The following FGF12 variants were observed in gnomAD, a reference collection of about 807,000 sequenced individuals.
FGF12 encodes fibroblast growth factor 12.
FGF12 carries 14 observed loss-of-function variants against 23.6 expected under a neutral mutation model. The observed-to-expected ratio is 0.59, with a 90% confidence interval of 0.39 to 0.93. FGF12 has a LOEUF of 0.93. Ranked by LOEUF, FGF12 falls within the 40% of genes least tolerant of loss-of-function variation. FGF12 has a pLI of 0.00. For synonymous variants in FGF12, 62 were observed against 77.3 expected, an observed-to-expected ratio of 0.80 and a Z score of 1.04; for missense variants, 175 against 217.8, an observed-to-expected ratio of 0.80 and a Z score of 1.24.
Position 192,412,650 on chromosome 3 carries a change from G to A in FGF12, c.14-52112C>T, listed in dbSNP as rs1721233538. ...CCCAGTGAGAAGAGGTGAGTATAAA[G>A]AAATTTAAGAAGTTAGCTAAGACCT... is the stretch of plus-strand genomic sequence containing the variant. On this transcript the variant is annotated intron_variant, in intron 2 of 5. Transcript: ENST00000445105. 5.3e-5 allele frequency among the ~76,000 whole-genome samples: 8 copies of A among 152,264 alleles called. No individual in the cohort carries two copies. The South Asian group carries it at 1.7e-3, about 32-fold the overall frequency.
intron 2 of FGF12, among the ~76,000 whole-genome samples, chr3:192,650,380 C>T (rs1232204156): frequency 6.6e-6 from 1 of 152,198 alleles, no homozygotes; most frequent in Non-Finnish European, 1.5e-5. Flanking sequence ...TTTGCACCTG[C>T]TATTTCCACT....
At chr3:192,633,389 C>T (rs1442966939) in intron 2 of FGF12, among the ~76,000 whole-genome samples, 1 of 152,076 alleles carries the variant, frequency 6.6e-6, no homozygotes, top group African/African-American at 2.4e-5. Flanking sequence ...CCCCTTTAAG[C>T]TAATATGGCT....
intron 2 of FGF12, among the ~76,000 whole-genome samples, chr3:192,540,645 T>C (rs9875839): frequency 0.27 from 41,325 of 152,018 alleles, 5,888 homozygotes; most frequent in Middle Eastern, 0.45. Flanking sequence ...AAATATACAT[T>C]AGGTTCATTT....
intron 2 of FGF12, among the ~76,000 whole-genome samples, chr3:192,502,136 A>G (rs1185286798): frequency 6.6e-6 from 1 of 152,140 alleles, no homozygotes; most frequent in Non-Finnish European, 1.5e-5. Flanking sequence ...TTTGAGAGGG[A>G]CTGCCTTGTG....
chr3:192,185,612 A>T (rs961795207), intron 4 of FGF12, among the ~76,000 whole-genome samples: 1 of 152,024 alleles, frequency 6.6e-6, no homozygotes, highest in Non-Finnish European at 1.5e-5. Flanking sequence ...CTGTAATGCC[A>T]GTACTGTGGG....
intron 2 of FGF12, among the ~76,000 whole-genome samples, chr3:192,724,096 AAAGGAAGGAAGGAAAG>A (rs1181956304): frequency 1.2e-4 from 16 of 138,472 alleles, no homozygotes; most frequent in Admixed American, 2.3e-4. Context: ...AGGAAGGAAG[AAAGGAAGGAAGGAAAG>A]AAGGAAGGAA....
chr3:192,586,512 T>C (rs960234345), intron 2 of FGF12, among the ~76,000 whole-genome samples: 2 of 152,210 alleles, frequency 1.3e-5, no homozygotes, highest in African/African-American at 4.8e-5. Context: ...AATCAGCTAT[T>C]GTTATTGATC....
chr3:192,178,916 T>C (rs6773747), intron 4 of FGF12, among the ~76,000 whole-genome samples: 91,548 of 152,154 alleles, frequency 0.6, 31,015 homozygotes, highest in East Asian at 0.95. Flanking sequence ...ACACAATTTA[T>C]ATCCAACAAC....
chr3:192,294,667 A>G (rs184686843), intron 4 of FGF12, among the ~76,000 whole-genome samples: 2 of 152,324 alleles, frequency 1.3e-5, no homozygotes, highest in Admixed American at 1.3e-4. Flanking sequence ...AATGTTTAAC[A>G]TGCTTTTTTG....
At chr3:192,683,438 C>G (rs78517868) in intron 2 of FGF12, among the ~76,000 whole-genome samples, 4,708 of 152,118 alleles carry the variant, frequency 0.031, 254 homozygotes, top group African/African-American at 0.11. Context: ...GTGGCAGCAT[C>G]GGTGTTATGT....
chr3:192,623,118 A>G (rs1011972638), intron 2 of FGF12, among the ~76,000 whole-genome samples: 1 of 152,218 alleles, frequency 6.6e-6, no homozygotes, highest in African/African-American at 2.4e-5. Context: ...GCTAGAGGTT[A>G]TGGTAGATAA....
chr3:192,181,045 G>A (rs930659036), intron 4 of FGF12, among the ~76,000 whole-genome samples: 36 of 152,160 alleles, frequency 2.4e-4, no homozygotes, highest in Non-Finnish European at 4.4e-5. Context: ...GAGACTGTAC[G>A]GAGATCTCCT....
chr3:192,725,927 G>A (rs975601603), intron 2 of FGF12, among the ~76,000 whole-genome samples: 4 of 152,132 alleles, frequency 2.6e-5, no homozygotes, highest in African/African-American at 9.7e-5. Context: ...ATTGTCAGAC[G>A]TGGAGATGCC....
intron 2 of FGF12, among the ~76,000 whole-genome samples, chr3:192,441,280 G>A (rs1299041562): frequency 2.0e-5 from 3 of 152,166 alleles, no homozygotes; most frequent in Admixed American, 2.0e-4. Flanking sequence ...CTGAGTAAAT[G>A]TTGGATAAAT....
intron 4 of FGF12, among the ~76,000 whole-genome samples, chr3:192,236,510 G>T (rs1034418979): frequency 1.3e-5 from 2 of 152,132 alleles, no homozygotes; most frequent in East Asian, 1.9e-4. Context: ...TTATAGGTCT[G>T]CAGGAACTTT....
chr3:192,466,984 G>A (rs1400703661), intron 2 of FGF12, among the ~76,000 whole-genome samples: 1 of 152,050 alleles, frequency 6.6e-6, no homozygotes, highest in Non-Finnish European at 1.5e-5. Flanking sequence ...TTTTTTTAGG[G>A]TTAAAATATC....
chr3:192,568,635 C>T (rs9845168), intron 2 of FGF12, among the ~76,000 whole-genome samples: 90,863 of 151,948 alleles, frequency 0.6, 27,511 homozygotes, highest in South Asian at 0.71. Context: ...ATCTTATCTC[C>T]CTCATTAGTT....
intron 4 of FGF12, among the ~76,000 whole-genome samples, chr3:192,247,894 G>C (rs1577277823): frequency 6.6e-6 from 1 of 152,152 alleles, no homozygotes; most frequent in East Asian, 1.9e-4. Flanking sequence ...TAAGCCAGAT[G>C]GTGGATTAAC....
At chr3:192,707,731 C>G (rs139457429) in intron 2 of FGF12, among the ~76,000 whole-genome samples, 2 of 130,814 alleles carry the variant, frequency 1.5e-5, no homozygotes, top group Admixed American at 1.6e-4. Context: ...GACAACAAAG[C>G]GAGACTCCTT....
Sources: gnomAD v4.1 joint callset for allele counts (sites outside exome capture counted in the v4.1 genomes callset) on GRCh38, gnomAD v4.1.1 for gene constraint, MANE v1.5 for transcripts, NCBI Gene and HGNC (gene_info 2026-07-23, HGNC 2026-07-21) for gene names.